The following SRSF11 variants were observed in gnomAD, a reference collection of about 807,000 sequenced individuals.
SRSF11 encodes the protein serine and arginine rich splicing factor 11, also known as serine/arginine-rich splicing factor 11.
Under a neutral mutation model 56.0 loss-of-function variants are expected in SRSF11, and 9 were observed. That is an observed-to-expected ratio of 0.16 (90% confidence interval 0.10 to 0.28). SRSF11 has a LOEUF of 0.28. Among genes scored for constraint, SRSF11 ranks in the 10% least tolerant of loss-of-function variants. The probability of loss-of-function intolerance (pLI) is 1.00; values close to 1 mark genes in which losing one functional copy is unlikely to be tolerated. For synonymous variants in SRSF11, 222 were observed against 215.3 expected (o/e 1.03, Z -0.27); for missense variants, 421 against 600.7 (o/e 0.70, Z 3.13).
chr1:70,212,344 C>T (rs1208215643), intron 1 of SRSF11, among the ~76,000 whole-genome samples: 2 of 152,118 alleles, frequency 1.3e-5, no homozygotes, highest in Non-Finnish European at 2.9e-5. Flanking sequence ...GCAACCTCCA[C>T]CTCCTGGGTT....
chr1:70,206,569 A>G (rs1375842398), intron 1 of SRSF11, among the ~76,000 whole-genome samples: 1 of 152,102 alleles, frequency 6.6e-6, no homozygotes, highest in East Asian at 1.9e-4. Context: ...CCTGCCTAGT[A>G]TGTGTACTAT....
At chr1:70,243,336 C>CAAAAAAAAAAAAA (rs56098296) in intron 7 of SRSF11, among the ~76,000 whole-genome samples, 1 of 32,560 alleles carries the variant, frequency 3.1e-5, no homozygotes, top group African/African-American at 8.0e-5. Context: ...TGGTTGGTGG[C>CAAAAAAAAAAAAA]AAAAAAAAAA....
At chr1:70,228,980 C>T (rs1258051811) in intron 2 of SRSF11, 2 of 983,338 alleles carry the variant, frequency 2.0e-6, no homozygotes, top group Non-Finnish European at 2.4e-6. Context: ...CTTAAAGCTT[C>T]CTCACATTGA....
intron 1 of SRSF11, among the ~76,000 whole-genome samples, chr1:70,208,605 G>A (rs1310920210): frequency 1.3e-5 from 2 of 151,622 alleles, no homozygotes; most frequent in Admixed American, 6.6e-5. Flanking sequence ...CCGAAATTGC[G>A]GGAATTACAG....
chr1:70,228,756 T>C (rs1672340703), intron 2 of SRSF11: 3 of 1,243,600 alleles, frequency 2.4e-6, no homozygotes, highest in Non-Finnish European at 3.0e-6. Flanking sequence ...ATAAGGTATT[T>C]ACCTTTTGTT....
rs763606823 is a variant in SRSF11 at position 70,239,460 on chromosome 1, G to A, written c.740G>A (p.Arg247Lys). The change falls in exon 7 of 12, where the codon AGG (arginine) becomes AAG (lysine). Residue 247 changes from arginine to lysine, a missense_variant. Transcript: ENST00000370949. Reference sequence around the variant, plus strand: ...ATAGATAAGAAAGAAGAAAAAAGAAGGCATTCAAGATCAAGATCACGTTCT... The same window carrying A: ...ATAGATAAGAAAGAAGAAAAAAGAAAGCATTCAAGATCAAGATCACGTTCT... ...IEPDKKEEKR[R>K]HSRSRSRSRR... 6 of 1,606,434 alleles carry A rather than the reference G, an allele frequency of 3.7e-6. No individual in the cohort carries two copies. The highest frequency in any genetic ancestry group is 5.1e-6 in the Non-Finnish European group (6 of 1,177,428).
At chr1:70,233,216 T>G (rs561401722) in intron 3 of SRSF11, among the ~76,000 whole-genome samples, 64 of 146,932 alleles carry the variant, frequency 4.4e-4, no homozygotes, top group African/African-American at 6.9e-4. Context: ...TTTTGTTTTG[T>G]TTTTTTTTGT....
Position 70,221,769 on chromosome 1 carries a change from A to G in SRSF11, c.133A>G (p.Ser45Gly). The change falls in exon 1 of 12, where the codon AGC (serine) becomes GGC (glycine). Residue 45 changes from serine to glycine, a missense_variant. Coordinates refer to ENST00000370949, the MANE Select transcript of SRSF11 (RefSeq NM_001350605.2). ...IQVTNVSPSA[S>G]SEQMRTLFGF... ...GGTGACTAATGTCTCCCCGAGCGCT[A>G]GCTCTGAGCAGATGCGGACTCTCTT... 1 of 1,614,144 alleles carries G rather than the reference A, an allele frequency of 6.2e-7. No individual in the cohort carries two copies. Among genetic ancestry groups the G allele is most frequent in the Non-Finnish European group, 8.5e-7 (1 of 1,180,032 alleles).
chr1:70,207,321 C>T (rs1669137617), intron 1 of SRSF11, among the ~76,000 whole-genome samples: 1 of 152,096 alleles, frequency 6.6e-6, no homozygotes, highest in Admixed American at 6.5e-5. Context: ...CTAATAATAC[C>T]TCTGTTTGCT....
chr1:70,214,110 G>A (rs1164140842), intron 1 of SRSF11, among the ~76,000 whole-genome samples: 2 of 152,106 alleles, frequency 1.3e-5, no homozygotes, highest in South Asian at 2.1e-4. Context: ...CCTTGATTAC[G>A]AAAAACGTAT....
chr1:70,250,325 C>T (rs777406562), intron 10 of SRSF11, 40 bp from the exon 11 acceptor site: 1 of 1,599,716 alleles, frequency 6.3e-7, no homozygotes, highest in Non-Finnish European at 8.5e-7. Flanking sequence ...ATCATCTAAA[C>T]AAGTTAAACC....
intron 9 of SRSF11, among the ~76,000 whole-genome samples, chr1:70,247,928 G>C (rs1677124906): frequency 6.6e-6 from 1 of 152,058 alleles, no homozygotes; most frequent in South Asian, 2.1e-4. Flanking sequence ...AACATCATTA[G>C]TCACCAAGGA....
At position 70,221,483 on chromosome 1, in the gene SRSF11, A is replaced by ACGG. The variant is rs532180578; in HGVS notation, c.-137_-135dup. 5.2e-3 allele frequency: 5,831 copies of ACGG among 1,126,372 alleles called. 24 individuals are homozygous for ACGG. Among genetic ancestry groups the ACGG allele is most frequent in the Non-Finnish European group, 6.3e-3 (5,068 of 801,440 alleles). 69.8% of individuals were successfully genotyped at this position (1,126,372 alleles called of 1,614,324 possible). On this transcript the variant is annotated 5_prime_UTR_variant, in exon 1 of 12. Coordinates refer to ENST00000370949, the MANE Select transcript of SRSF11 (RefSeq NM_001350605.2). ...CCGCGGCGTGCGGCGGGGCGGAGAA[A>ACGG]CGGCGGCGGCGGCGGCGGCATCGGC...
At chr1:70,246,120 A>G (rs1477570880) in intron 8 of SRSF11, among the ~76,000 whole-genome samples, 1 of 152,180 alleles carries the variant, frequency 6.6e-6, no homozygotes, top group African/African-American at 2.4e-5. Flanking sequence ...TTAAAATTAG[A>G]GAATAGTTAA....
At chr1:70,224,167 C>T (rs1188353741) in intron 1 of SRSF11, among the ~76,000 whole-genome samples, 1 of 152,116 alleles carries the variant, frequency 6.6e-6, no homozygotes, top group Non-Finnish European at 1.5e-5. Flanking sequence ...CTTCCCCCTC[C>T]CTGCATCATG....
chr1:70,250,282 ACTACTTATATC>A, intron 10 of SRSF11, 72 bp from the exon 11 acceptor site: 3 of 1,562,308 alleles, frequency 1.9e-6, no homozygotes, highest in Non-Finnish European at 2.6e-6. Flanking sequence ...TCTTTGCTGT[ACTACTTATATC>A]CTGTGAAATT....
rs550998703 is a variant in SRSF11, at chr1:70,252,626, T to C, written c.*1821T>C. ...TGAGTAAAAGAAGTTCTAATAATGG[T>C]CCTAATCACTGCATTTTTAAAAAAC... On this transcript the variant is annotated 3_prime_UTR_variant, in exon 12 of 12. Coordinates refer to ENST00000370949, the MANE Select transcript of SRSF11 (RefSeq NM_001350605.2). 7.9e-5 allele frequency: 12 copies of C among 152,252 alleles called. No individual in the cohort carries two copies. The East Asian group carries it at 2.1e-3, about 27-fold the overall frequency. The allele number at this position is 152,252 out of a possible 1,614,324, so 9.4% of individuals were successfully genotyped here. A position where few individuals can be genotyped will look rare whatever the true frequency, so the allele number is the denominator to read the frequency against.
At chr1:70,244,087 G>C (rs1676177628) in intron 7 of SRSF11, among the ~76,000 whole-genome samples, 1 of 152,192 alleles carries the variant, frequency 6.6e-6, no homozygotes, top group Non-Finnish European at 1.5e-5. Context: ...TAAAAGGTCT[G>C]CATTGCCTGG....
chr1:70,243,566 A>C (rs1211036042), intron 7 of SRSF11, among the ~76,000 whole-genome samples: 1 of 152,096 alleles, frequency 6.6e-6, no homozygotes, highest in African/African-American at 2.4e-5. Context: ...CTCTTAAGTT[A>C]CCTGGCTTAT....
Sources: gnomAD v4.1 joint callset for allele counts (sites outside exome capture counted in the v4.1 genomes callset) on GRCh38, gnomAD v4.1.1 for gene constraint, MANE v1.5 for transcripts, NCBI Gene and HGNC (gene_info 2026-07-23, HGNC 2026-07-21) for gene names.